C1orf21: variants seen among roughly 807,000 people sequenced by gnomAD.
The protein encoded by C1orf21 is chromosome 1 open reading frame 21.
In C1orf21, 3 loss-of-function variants were observed where a neutral mutation model predicts 18.7. That is an observed-to-expected ratio of 0.16 (90% CI 0.07 to 0.42). The LOEUF (loss-of-function observed/expected upper bound fraction) is 0.42. Ranked by LOEUF, C1orf21 falls within the 10% of genes least tolerant of loss-of-function variation. The probability of loss-of-function intolerance (pLI) is 0.99; values close to 1 mark genes in which losing one functional copy is unlikely to be tolerated. For synonymous variants in C1orf21, 41 were observed against 46.4 expected (o/e 0.88, Z 0.47); for missense variants, 104 against 143.6 (o/e 0.72, Z 1.41).
At chr1:184,564,212 G>T (rs185235536) in intron 3 of C1orf21, among the ~76,000 whole-genome samples, 1 of 152,192 alleles carries the variant, frequency 6.6e-6, no homozygotes, top group Non-Finnish European at 1.5e-5. Context: ...CTACTCTAGA[G>T]TTAGAATATA....
intron 1 of C1orf21, among the ~76,000 whole-genome samples, chr1:184,442,567 T>C (rs535048788): frequency 6.6e-6 from 1 of 152,304 alleles, no homozygotes; most frequent in East Asian, 1.9e-4. Context: ...GAGCTTTATT[T>C]AATATTGAAC....
Position 184,536,221 on chromosome 1 carries a change from T to C in C1orf21, c.189+28539T>C, listed in dbSNP as rs148440429. Among the ~76,000 whole-genome samples the C allele has an allele frequency of 1.1e-3, 166 of 152,338 alleles. 1 individual carries two copies. Among genetic ancestry groups the C allele is most frequent in the African/African-American group, 3.9e-3 (163 of 41,592 alleles). Reference sequence around the variant, plus strand: ...TTGACCCATCTGACCTGGGTCAAACTTCATTACAAACATTTATTTCTTCCA... The same window carrying C: ...TTGACCCATCTGACCTGGGTCAAACCTCATTACAAACATTTATTTCTTCCA... On this transcript the variant is annotated intron_variant, in intron 3 of 5. Coordinates refer to ENST00000235307, the MANE Select transcript of C1orf21 (RefSeq NM_030806.4).
intron 3 of C1orf21, among the ~76,000 whole-genome samples, chr1:184,538,500 T>G (rs1658595091): frequency 6.6e-6 from 1 of 152,216 alleles, no homozygotes; most frequent in Admixed American, 6.5e-5. Context: ...TTGTTGCCTG[T>G]GACTTTGGTG....
At chr1:184,520,554 C>T (rs181252550) in intron 3 of C1orf21, among the ~76,000 whole-genome samples, 1 of 152,184 alleles carries the variant, frequency 6.6e-6, no homozygotes, top group Non-Finnish European at 1.5e-5. Flanking sequence ...GAATCTCATT[C>T]TAATGATTCA....
At chr1:184,495,427 G>A (rs1557986521) in intron 2 of C1orf21, among the ~76,000 whole-genome samples, 1 of 152,150 alleles carries the variant, frequency 6.6e-6, no homozygotes, top group Non-Finnish European at 1.5e-5. Flanking sequence ...ATACGCAAAT[G>A]AAGCATAGAT....
At chr1:184,405,507 A>G (rs1485999865) in intron 1 of C1orf21, among the ~76,000 whole-genome samples, 1 of 151,932 alleles carries the variant, frequency 6.6e-6, no homozygotes, top group African/African-American at 2.4e-5. Context: ...AAAAATTCCT[A>G]TTATGCTTTA....
chr1:184,443,698 G>A (rs112999101), intron 1 of C1orf21, among the ~76,000 whole-genome samples: 11 of 152,266 alleles, frequency 7.2e-5, no homozygotes, highest in African/African-American at 2.4e-4. Context: ...CCTCAAGCCT[G>A]CAGGGACAGT....
chr1:184,573,439 C>T (rs1242480356), intron 3 of C1orf21, among the ~76,000 whole-genome samples: 3 of 152,044 alleles, frequency 2.0e-5, no homozygotes, highest in Admixed American at 6.6e-5. Context: ...AGTTCTTGGC[C>T]GAAGATTCAT....
intron 1 of C1orf21, among the ~76,000 whole-genome samples, chr1:184,467,174 C>T (rs1342961012): frequency 1.3e-5 from 2 of 152,124 alleles, no homozygotes; most frequent in Non-Finnish European, 2.9e-5. Flanking sequence ...CCTTAAAAGC[C>T]GTCTCATCTC....
At chr1:184,407,145 TAA>T (rs929334770) in intron 1 of C1orf21, among the ~76,000 whole-genome samples, 1 of 151,660 alleles carries the variant, frequency 6.6e-6, no homozygotes, top group African/African-American at 2.4e-5. Context: ...TTGGCTAATT[TAA>T]AAAAAAATTT....
chr1:184,540,572 G>C (rs1197187709), intron 3 of C1orf21, among the ~76,000 whole-genome samples: 2 of 152,094 alleles, frequency 1.3e-5, no homozygotes, highest in Non-Finnish European at 2.9e-5. Context: ...TGGGACTACA[G>C]GTGCATGACA....
At chr1:184,396,791 T>C (rs1465258674) in intron 1 of C1orf21, among the ~76,000 whole-genome samples, 1 of 152,202 alleles carries the variant, frequency 6.6e-6, no homozygotes, top group Non-Finnish European at 1.5e-5. Flanking sequence ...TAATTGCTCA[T>C]TCATTTTTGA....
chr1:184,460,517 CCT>C (rs397862486), intron 1 of C1orf21, among the ~76,000 whole-genome samples: 3 of 115,882 alleles, frequency 2.6e-5, no homozygotes, highest in Non-Finnish European at 5.7e-5. Flanking sequence ...GGGGTGACTA[CCT>C]CTCTTTCTAA....
chr1:184,465,092 A>G (rs1657370016), intron 1 of C1orf21, among the ~76,000 whole-genome samples: 1 of 152,222 alleles, frequency 6.6e-6, no homozygotes, highest in Non-Finnish European at 1.5e-5. Context: ...TTGTAAAATT[A>G]GGAACCTTGA....
intron 2 of C1orf21, among the ~76,000 whole-genome samples, chr1:184,489,618 A>T (rs1387585633): frequency 1.3e-5 from 2 of 152,224 alleles, no homozygotes; most frequent in African/African-American, 2.4e-5. Context: ...CTGTGTGTTC[A>T]AGGGTCTTTC....
At chr1:184,585,986 T>G (rs1021246705) in intron 3 of C1orf21, among the ~76,000 whole-genome samples, 33 of 152,214 alleles carry the variant, frequency 2.2e-4, no homozygotes, top group African/African-American at 8.0e-4. Flanking sequence ...ATATAATCGG[T>G]AATGGGATTA....
At chr1:184,522,232 A>G (rs1054748241) in intron 3 of C1orf21, among the ~76,000 whole-genome samples, 5 of 152,192 alleles carry the variant, frequency 3.3e-5, no homozygotes, top group African/African-American at 1.2e-4. Context: ...AATACATATA[A>G]TGTATATAGG....
At chr1:184,492,985 T>C (rs1657836895) in intron 2 of C1orf21, among the ~76,000 whole-genome samples, 1 of 152,208 alleles carries the variant, frequency 6.6e-6, no homozygotes, top group South Asian at 2.1e-4. Flanking sequence ...TTAACTTATA[T>C]AGCTGTACTC....
intron 3 of C1orf21, among the ~76,000 whole-genome samples, chr1:184,553,599 C>T (rs1193363801): frequency 6.6e-6 from 1 of 152,144 alleles, no homozygotes; most frequent in Non-Finnish European, 1.5e-5. Context: ...TCCTTCTGGG[C>T]TATAGACTTT....
Sources: allele counts gnomAD v4.1 joint callset (sites outside exome capture counted in the v4.1 genomes callset), GRCh38; gene constraint gnomAD v4.1.1; transcripts MANE v1.5; gene names NCBI Gene and HGNC (gene_info 2026-07-23, HGNC 2026-07-21).